CRAMP1: variants seen among roughly 807,000 people sequenced by gnomAD.
CRAMP1 encodes the protein cramped chromatin regulator 1.
A neutral mutation model predicts 115.4 loss-of-function variants in CRAMP1; 50 were observed. The observed-to-expected ratio is 0.43, with a 90% CI of 0.35 to 0.55. CRAMP1 has a LOEUF of 0.55. Among genes scored for constraint, CRAMP1 ranks in the 20% least tolerant of loss-of-function variants. The probability of loss-of-function intolerance (pLI) is 0.01; values close to 1 mark genes in which losing one functional copy is unlikely to be tolerated. For synonymous variants in CRAMP1, 866 were observed against 745.4 expected (o/e 1.16, Z -2.64); for missense variants, 1,679 against 1,721.7 (o/e 0.98, Z 0.44).
In CRAMP1 at chr16:1,656,467, C is replaced by T; in HGVS notation, c.1710C>T (p.Asp570=). 1 of 1,581,046 alleles carries T rather than the reference C, an allele frequency of 6.3e-7. No homozygotes were observed. Among genetic ancestry groups the T allele is most frequent in the Non-Finnish European group, 8.6e-7 (1 of 1,164,258 alleles). Residue 570 remains aspartate (D), a synonymous_variant, in exon 10 of 21, where the codon GAC becomes GAT. Coordinates refer to ENST00000397412, the MANE Select transcript of CRAMP1 (RefSeq NM_020825.4). The surrounding 1 kb of genome is among the most constrained non-coding windows in gnomAD (Gnocchi z 5.6). ...CCCGCTACCTAAAGTCCTGTCAGGA[C>T]CTCATTGTCCCCGAGCAGTGCCGCT... ...PLPRYLKSCQ[D]LIVPEQCRCA...
chr16:1,665,492 T>C (rs1260176105), intron 14 of CRAMP1, among the ~76,000 whole-genome samples: 3 of 152,188 alleles, frequency 2.0e-5, no homozygotes, highest in African/African-American at 7.2e-5. Flanking sequence ...TGGATTATGC[T>C]TCCATCAGTC....
At chr16:1,626,269 A>G in intron 3 of CRAMP1, 103 bp downstream of exon 3, 2 of 1,170,174 alleles carry the variant, frequency 1.7e-6, no homozygotes, top group South Asian at 1.7e-5. Flanking sequence ...TCTAGAACGC[A>G]GATTCCTGGG....
At position 1,626,007 on chromosome 16, in the gene CRAMP1, G is replaced by A; in HGVS notation, c.381G>A (p.Val127=). The part of the protein sequence containing the change: ...AEGGGSSSGN[V]SGVAPAAPAG... ...GTGGTGGATCATCGTCTGGAAATGT[G>A]TCTGGGGTTGCCCCTGCTGCCCCTG... The change falls in exon 3 of 21, where the codon GTG becomes GTA. Residue 127 remains valine, a synonymous_variant. Transcript: ENST00000397412. 6.4e-7 allele frequency: 1 copy of A among 1,551,724 alleles called. No homozygotes were observed. Among genetic ancestry groups the A allele is most frequent in the Non-Finnish European group, 8.7e-7 (1 of 1,146,996 alleles).
rs753683918 is a variant in CRAMP1, at chr16:1,637,813, C to G, written c.695-11C>G. On this transcript the variant is annotated splice_polypyrimidine_tract_variant and intron_variant, in intron 4 of 20. Coordinates refer to ENST00000397412, the MANE Select transcript of CRAMP1 (RefSeq NM_020825.4). ...CCCCTCTCTAAAGCCGCCTTCTCTTCTGTTTCTCAGTGTTCTCTCGAGGCC... is the reference window on the plus strand; with the variant it reads ...CCCCTCTCTAAAGCCGCCTTCTCTTGTGTTTCTCAGTGTTCTCTCGAGGCC... 1.4e-6 allele frequency: 2 copies of G among 1,473,126 alleles called. No individual in the cohort carries two copies. The highest frequency in any genetic ancestry group is 4.8e-5 in the Admixed American group (2 of 41,304). The allele number at this position is 1,473,126 out of a possible 1,614,324, so 91.3% of individuals were successfully genotyped here.
At chr16:1,646,949 G>A in intron 6 of CRAMP1, 1 of 680,130 alleles carries the variant, frequency 1.5e-6, no homozygotes, top group South Asian at 1.6e-5. Flanking sequence ...AACATCAGTT[G>A]ACTGTACCGT....
At chr16:1,646,213 T>G (rs1159633139) in intron 6 of CRAMP1, among the ~76,000 whole-genome samples, 3 of 152,200 alleles carry the variant, frequency 2.0e-5, no homozygotes, top group Non-Finnish European at 4.4e-5. Flanking sequence ...TTAGTGTTGA[T>G]GAAGAAGTGC....
chr16:1,675,773 A>G lies in CRAMP1; in HGVS notation c.*1728A>G, dbSNP rs1287330126. 1 of 152,240 alleles carries G rather than the reference A, an allele frequency of 6.6e-6. No individual in the cohort carries two copies. The highest frequency in any genetic ancestry group is 1.5e-5 in the Non-Finnish European group (1 of 68,046). 9.4% of individuals were successfully genotyped at this position (152,240 alleles called of 1,614,324 possible). On this transcript the variant is annotated 3_prime_UTR_variant, in exon 21 of 21. Transcript: ENST00000397412. Reference sequence around the variant, plus strand: ...CTGAGCTGGCTTCCCTCCTTCAGACATTGACATGAGATCTTAAGCAAACAG... The same window carrying G: ...CTGAGCTGGCTTCCCTCCTTCAGACGTTGACATGAGATCTTAAGCAAACAG...
At chr16:1,630,876 T>A (rs573842503) in intron 3 of CRAMP1, among the ~76,000 whole-genome samples, 44 of 152,376 alleles carry the variant, frequency 2.9e-4, no homozygotes, top group African/African-American at 1.1e-3. Flanking sequence ...ACAGCAGTGA[T>A]ACCGTGTCCT....
rs2036943439 is a variant in CRAMP1, at chr16:1,673,792, G to T, written c.3646-89G>T. On this transcript the variant is annotated intron_variant, in intron 20 of 20. Coordinates refer to ENST00000397412, the MANE Select transcript of CRAMP1 (RefSeq NM_020825.4). The stretch of plus-strand genomic sequence containing the variant: ...TAGCTTCCTGCAGCGGGAGTCGATA[G>T]GAGCTTCTCGTCCTGTTTCAGGACC... 6 of 1,243,816 alleles carry T rather than the reference G, an allele frequency of 4.8e-6. No homozygotes were observed. In the South Asian group the frequency reaches 7.8e-5, roughly 16 times the overall value. 77.0% of individuals were successfully genotyped at this position (1,243,816 alleles called of 1,614,324 possible). A position where few individuals can be genotyped will look rare whatever the true frequency, so the allele number is the denominator to read the frequency against.
In CRAMP1 at chr16:1,643,870, T is replaced by C. The variant is rs73499779; in HGVS notation, c.827+2683T>C. On this transcript the variant is annotated intron_variant, in intron 6 of 20. Coordinates refer to ENST00000397412, the MANE Select transcript of CRAMP1 (RefSeq NM_020825.4). The stretch of plus-strand genomic sequence containing the variant: ...CTGAATGTCGGCTGTCATCCTCTGC[T>C]GTGCTCCTGCAGTGGAGGGGCTCTG... Among the ~76,000 whole-genome samples, 936 of 152,348 alleles carry C rather than the reference T, an allele frequency of 6.1e-3. 9 individuals are homozygous for C. The highest frequency in any genetic ancestry group is 0.022 in the African/African-American group (896 of 41,582).
At chr16:1,633,939 A>G (rs1307011948) in intron 4 of CRAMP1, among the ~76,000 whole-genome samples, 1 of 151,986 alleles carries the variant, frequency 6.6e-6, no homozygotes. Context: ...ATGGTGGTGC[A>G]CACCTGTACT....
chr16:1,654,785 C>T (rs925927544), intron 8 of CRAMP1, among the ~76,000 whole-genome samples: 2 of 152,352 alleles, frequency 1.3e-5, no homozygotes, highest in Admixed American at 6.5e-5. Context: ...TTTCACTGGG[C>T]GTGATGCTTT....
intron 2 of CRAMP1, among the ~76,000 whole-genome samples, chr16:1,617,648 C>A (rs1298224183): frequency 1.3e-5 from 2 of 152,198 alleles, no homozygotes; most frequent in African/African-American, 4.8e-5. Context: ...TGGCCAGTTT[C>A]AATCTCAGTG....
At chr16:1,613,389 C>T (rs1030714295) in intron 1 of CRAMP1, among the ~76,000 whole-genome samples, 1 of 152,262 alleles carries the variant, frequency 6.6e-6, no homozygotes, top group East Asian at 1.9e-4. Context: ...AAAGAGAGGT[C>T]CTCGCCCGCG....
chr16:1,655,817 C>G, intron 9 of CRAMP1, 60 bp from the exon 10 acceptor site: 1 of 1,544,810 alleles, frequency 6.5e-7, no homozygotes. Flanking sequence ...TACCCATGTG[C>G]CTGGTCAGCA....
chr16:1,669,910 G>T lies in CRAMP1; in HGVS notation c.3499+745G>T, dbSNP rs994373527. Reference sequence around the variant, plus strand: ...TGCTGAGGGACCCAGCACCCTGCAGGCGTTTCCTTTTGTCTCATGTAGCAG... The same window carrying T: ...TGCTGAGGGACCCAGCACCCTGCAGTCGTTTCCTTTTGTCTCATGTAGCAG... On this transcript the variant is annotated intron_variant, in intron 19 of 20. Coordinates refer to ENST00000397412, the MANE Select transcript of CRAMP1 (RefSeq NM_020825.4). This position sits in a 1 kb window ranked among gnomAD's most constrained non-coding sequence, Gnocchi z 4.6. Among the ~76,000 whole-genome samples, 2 of 152,186 alleles carry T rather than the reference G, an allele frequency of 1.3e-5. No homozygotes were observed. Among genetic ancestry groups the T allele is most frequent in the Non-Finnish European group, 2.9e-5 (2 of 68,044 alleles).
At chr16:1,633,398 G>C (rs2036561856) in intron 4 of CRAMP1, among the ~76,000 whole-genome samples, 1 of 152,364 alleles carries the variant, frequency 6.6e-6, no homozygotes, top group Non-Finnish European at 1.5e-5. Flanking sequence ...CGTTTCTGGA[G>C]ATCCATGGAA....
chr16:1,673,842 G>A, intron 20 of CRAMP1, 39 bp from the exon 21 acceptor site: 1 of 1,607,796 alleles, frequency 6.2e-7, no homozygotes, highest in Non-Finnish European at 8.5e-7. Flanking sequence ...GGGCCAGCAG[G>A]TCGCGGTGAC....
At chr16:1,618,408 G>C (rs1334112629) in intron 2 of CRAMP1, among the ~76,000 whole-genome samples, 1 of 152,250 alleles carries the variant, frequency 6.6e-6, no homozygotes, top group Admixed American at 6.5e-5. Context: ...GGAGGAGGCT[G>C]CACAGGCTGG....
Sources: gnomAD v4.1 joint callset for allele counts (sites outside exome capture counted in the v4.1 genomes callset) on GRCh38, gnomAD v4.1.1 for gene constraint, Gnocchi (gnomAD v3.1) non-coding constraint, MANE v1.5 for transcripts, NCBI Gene and HGNC (gene_info 2026-07-23, HGNC 2026-07-21) for gene names.